BNC2: variants seen among roughly 807,000 people sequenced by gnomAD.
BNC2 encodes zinc finger protein basonuclin-2.
BNC2 carries 20 observed loss-of-function variants against 76.3 expected under a neutral mutation model. The ratio of observed to expected loss-of-function variants is 0.26; its 90% CI spans 0.18 to 0.38. BNC2 has a LOEUF of 0.38. Ranked by LOEUF, BNC2 falls within the 10% of genes least tolerant of loss-of-function variation. The pLI is 1.00. For missense variants in BNC2, 1,382 were observed against 1,399.8 expected, an observed-to-expected ratio of 0.99 and a Z score of 0.20; for synonymous variants, 582 against 514.8, an observed-to-expected ratio of 1.13 and a Z score of -1.77.
intron 5 of BNC2, among the ~76,000 whole-genome samples, chr9:16,470,732 C>G (rs534704619): frequency 6.6e-6 from 1 of 152,212 alleles, no homozygotes; most frequent in Non-Finnish European, 1.5e-5. Context: ...AGTCAAGAAT[C>G]GAAGTTTCGG....
chr9:16,590,483 G>A (rs566408661), intron 3 of BNC2, among the ~76,000 whole-genome samples: 2 of 151,912 alleles, frequency 1.3e-5, no homozygotes, highest in Admixed American at 6.5e-5. Flanking sequence ...ATGAGCCACT[G>A]TGCCTGGCTT....
At chr9:16,771,591 G>A (rs929595566) in intron 1 of BNC2, among the ~76,000 whole-genome samples, 6 of 152,106 alleles carry the variant, frequency 3.9e-5, no homozygotes, top group Admixed American at 1.3e-4. Flanking sequence ...AAGATAAGAC[G>A]TTTATAGATT....
chr9:16,706,552 C>A (rs893642180), intron 3 of BNC2, among the ~76,000 whole-genome samples: 1 of 152,166 alleles, frequency 6.6e-6, no homozygotes, highest in African/African-American at 2.4e-5. Context: ...ATGATGATCT[C>A]AAAGCAGGTT....
chr9:16,781,275 G>A (rs1187700502), intron 1 of BNC2, among the ~76,000 whole-genome samples: 1 of 152,222 alleles, frequency 6.6e-6, no homozygotes, highest in Non-Finnish European at 1.5e-5. Flanking sequence ...TTGGAGGCAG[G>A]TGGCAGACAA....
chr9:16,643,328 T>C (rs1177362680), intron 3 of BNC2, among the ~76,000 whole-genome samples: 1 of 147,324 alleles, frequency 6.8e-6, no homozygotes, highest in Non-Finnish European at 1.5e-5. Flanking sequence ...AAAAATGAGG[T>C]ACCAAATTCT....
At chr9:16,756,065 G>T (rs1825376788) in intron 1 of BNC2, among the ~76,000 whole-genome samples, 1 of 151,062 alleles carries the variant, frequency 6.6e-6, no homozygotes, top group Non-Finnish European at 1.5e-5. Context: ...GAGATGTACA[G>T]AAGACTATCA....
intron 4 of BNC2, among the ~76,000 whole-genome samples, chr9:16,581,073 G>A (rs1819618134): frequency 6.6e-6 from 1 of 152,158 alleles, no homozygotes. Flanking sequence ...AGAAAAAAAG[G>A]ATATTTGGGA....
chr9:16,576,331 A>G (rs1009937562), intron 4 of BNC2, among the ~76,000 whole-genome samples: 2 of 152,224 alleles, frequency 1.3e-5, no homozygotes, highest in South Asian at 2.1e-4. Context: ...GGAGTCACTC[A>G]GAATGAGCAT....
At chr9:16,525,423 T>C (rs909241062) in intron 5 of BNC2, among the ~76,000 whole-genome samples, 5 of 151,612 alleles carry the variant, frequency 3.3e-5, no homozygotes, top group African/African-American at 9.7e-5. Context: ...TACAACGCAA[T>C]AGAAATATAG....
At chr9:16,653,588 G>T (rs781627279) in intron 3 of BNC2, among the ~76,000 whole-genome samples, 6 of 152,046 alleles carry the variant, frequency 3.9e-5, no homozygotes, top group Non-Finnish European at 7.4e-5. Flanking sequence ...AAGTGTTTGG[G>T]AAACAGAAGG....
At chr9:16,805,332 TG>T (rs200782034) in intron 1 of BNC2, among the ~76,000 whole-genome samples, 4 of 151,400 alleles carry the variant, frequency 2.6e-5, no homozygotes, top group Non-Finnish European at 1.5e-5. Flanking sequence ...ATTTTTTTGT[TG>T]GTTTTTTTTT....
intron 5 of BNC2, among the ~76,000 whole-genome samples, chr9:16,550,600 A>G (rs1160291809): frequency 3.3e-5 from 5 of 152,242 alleles, no homozygotes; most frequent in African/African-American, 1.2e-4. Context: ...AAAATGGCAA[A>G]CCAACATAGC....
intron 1 of BNC2, among the ~76,000 whole-genome samples, chr9:16,820,870 C>G (rs1160951880): frequency 6.6e-6 from 1 of 150,740 alleles, no homozygotes; most frequent in Non-Finnish European, 1.5e-5. Context: ...GAAAATCAAA[C>G]AGCAATGGGA....
At chr9:16,785,442 C>T (rs1482246960) in intron 1 of BNC2, among the ~76,000 whole-genome samples, 1 of 151,996 alleles carries the variant, frequency 6.6e-6, no homozygotes, top group Non-Finnish European at 1.5e-5. Context: ...CCACCCAGGT[C>T]GGAGTGCAGT....
chr9:16,762,870 T>C (rs1294778765), intron 1 of BNC2, among the ~76,000 whole-genome samples: 1 of 152,214 alleles, frequency 6.6e-6, no homozygotes, highest in Non-Finnish European at 1.5e-5. Flanking sequence ...TAGTGCCTTA[T>C]ACCTTACTTA....
In BNC2 at chr9:16,539,741, AAGGGAAGGG is replaced by A. The variant is rs1563830930; in HGVS notation, c.669+12780_669+12788del. Among the ~76,000 whole-genome samples, 643 of 99,066 alleles carry A rather than the reference AAGGGAAGGG, an allele frequency of 6.5e-3. 41 individuals are homozygous for A. Among genetic ancestry groups the A allele is most frequent in the African/African-American group, 0.029 (602 of 20,516 alleles). The allele number at this position is 99,066 out of a possible 152,430, so 65.0% of individuals were successfully genotyped here. A position where few individuals can be genotyped will look rare whatever the true frequency, so the allele number is the denominator to read the frequency against. On this transcript the variant is annotated intron_variant, in intron 5 of 6. Transcript: ENST00000380672. ...AAGGGGAAGGAAAAGAGGGAAAGGG[AAGGGAAGGG>A]AAGGAAAGGAAAGGAAAAGAAAGGA...
intron 6 of BNC2, among the ~76,000 whole-genome samples, chr9:16,423,047 A>G (rs1299152556): frequency 6.6e-6 from 1 of 152,240 alleles, no homozygotes; most frequent in Non-Finnish European, 1.5e-5. Flanking sequence ...AAATGGCAGG[A>G]AGGCCAGAGA....
At position 16,446,133 on chromosome 9, in the gene BNC2, CAT is replaced by C. The variant is rs1468247337; in HGVS notation, c.670-8611_670-8610del. 5.3e-5 allele frequency among the ~76,000 whole-genome samples: 8 copies of C among 152,162 alleles called. 1 individual carries two copies. Among genetic ancestry groups the C allele is most frequent in the African/African-American group, 1.7e-4 (7 of 41,458 alleles). Reference sequence around the variant, plus strand: ...CTTTAAAGGAGTTACTCATTACACACATGTGCATGTACACAAACACACACAGG... The same window carrying C: ...CTTTAAAGGAGTTACTCATTACACACGTGCATGTACACAAACACACACAGG... On this transcript the variant is annotated intron_variant, in intron 5 of 6. Coordinates refer to ENST00000380672, the MANE Select transcript of BNC2 (RefSeq NM_017637.6).
intron 3 of BNC2, among the ~76,000 whole-genome samples, chr9:16,663,969 G>A (rs140520027): frequency 3.7e-4 from 56 of 152,250 alleles, no homozygotes; most frequent in African/African-American, 1.3e-3. Flanking sequence ...GAGGAGGTAA[G>A]CCCCTGGCAA....
Sources: allele counts gnomAD v4.1 joint callset (sites outside exome capture counted in the v4.1 genomes callset), GRCh38; gene constraint gnomAD v4.1.1; transcripts MANE v1.5; gene names NCBI Gene and HGNC (gene_info 2026-07-23, HGNC 2026-07-21).